Variants in CHST8 observed in about 807,000 individuals in gnomAD.
The protein encoded by CHST8 is carbohydrate sulfotransferase 8, also known as GALNAC-4-ST1.
Under a neutral mutation model 15.0 loss-of-function variants are expected in CHST8, and 10 were observed. The ratio of observed to expected loss-of-function variants is 0.67; its 90% confidence interval spans 0.41 to 1.13. The LOEUF (loss-of-function observed/expected upper bound fraction) is 1.13. CHST8 is among the 50% of genes most tolerant of loss of function. The pLI, the probability that CHST8 is intolerant of heterozygous loss-of-function variation, is 0.00. For synonymous variants in CHST8, 259 were observed against 256.6 expected, an observed-to-expected ratio of 1.01 and a Z score of -0.09; for missense variants, 634 against 608.2, an observed-to-expected ratio of 1.04 and a Z score of -0.45.
chr19:33,748,234 G>A (rs139893787), intron 3 of CHST8, among the ~76,000 whole-genome samples: 206 of 152,336 alleles, frequency 1.4e-3, no homozygotes, highest in African/African-American at 4.8e-3. Flanking sequence ...ACTGGATGGC[G>A]GTGAGCTCAG....
At chr19:33,670,208 A>G (rs1333609611) in intron 2 of CHST8, among the ~76,000 whole-genome samples, 1 of 152,228 alleles carries the variant, frequency 6.6e-6, no homozygotes, top group Non-Finnish European at 1.5e-5. Context: ...AAATGAAAAC[A>G]AAACCCCAAT....
intron 1 of CHST8, among the ~76,000 whole-genome samples, chr19:33,628,676 A>G (rs1408574579): frequency 6.6e-6 from 1 of 152,176 alleles, no homozygotes; most frequent in African/African-American, 2.4e-5. Context: ...TTGAGCCCCT[A>G]GTTCATGATG....
intron 1 of CHST8, among the ~76,000 whole-genome samples, chr19:33,634,881 G>A (rs1972172924): frequency 6.6e-6 from 1 of 152,062 alleles, no homozygotes; most frequent in Admixed American, 6.6e-5. Context: ...GGCTCTGGAA[G>A]TTGGTTTCTC....
intron 3 of CHST8, among the ~76,000 whole-genome samples, chr19:33,759,623 CT>C (rs1408999865): frequency 2.0e-5 from 3 of 152,346 alleles, no homozygotes; most frequent in East Asian, 3.9e-4. Context: ...CCAGCCACCC[CT>C]GATCCCCTAA....
Position 33,773,146 on chromosome 19 carries a change from C to A in CHST8, c.*83C>A. The A allele has an allele frequency of 7.1e-7, 1 of 1,416,720 alleles. No individual in the cohort carries two copies. Among genetic ancestry groups the A allele is most frequent in the Non-Finnish European group, 9.4e-7 (1 of 1,064,652 alleles). The allele number at this position is 1,416,720 out of a possible 1,614,324, so 87.8% of individuals were successfully genotyped here. A position where few individuals can be genotyped will look rare whatever the true frequency, so the allele number is the denominator to read the frequency against. The stretch of plus-strand genomic sequence containing the variant: ...CATCCTCCTGTCCCTGGCTCCTCAT[C>A]CTGGGAGCAACAGGGCTCTGAGGAC... On this transcript the variant is annotated 3_prime_UTR_variant, in exon 5 of 5. Transcript: ENST00000650847.
Position 33,757,462 on chromosome 19 carries a change from G to T in CHST8, c.131-13951G>T, listed in dbSNP as rs11882518. On this transcript the variant is annotated intron_variant, in intron 3 of 4. Transcript: ENST00000650847. Reference sequence around the variant, plus strand: ...AGAAAGAAAGAAAGAAAGAAAGAAAGAAAGAAAGAAAGAAAGAAAGAAAGA... The same window carrying T: ...AGAAAGAAAGAAAGAAAGAAAGAAATAAAGAAAGAAAGAAAGAAAGAAAGA... Among the ~76,000 whole-genome samples the T allele has an allele frequency of 4.0e-3, 152 of 38,140 alleles. 15 individuals are homozygous for T. The highest frequency in any genetic ancestry group is 0.013 in the Admixed American group (47 of 3,642). 25.0% of individuals were successfully genotyped at this position (38,140 alleles called of 152,430 possible). A position where few individuals can be genotyped will look rare whatever the true frequency, so the allele number is the denominator to read the frequency against.
chr19:33,754,740 G>C (rs1974511988), intron 3 of CHST8, among the ~76,000 whole-genome samples: 1 of 152,210 alleles, frequency 6.6e-6, no homozygotes, highest in South Asian at 2.1e-4. Flanking sequence ...CTCTCAAATA[G>C]ACTAGCTAAG....
intron 1 of CHST8, among the ~76,000 whole-genome samples, chr19:33,632,814 G>A (rs2145437977): frequency 6.6e-6 from 1 of 152,016 alleles, no homozygotes; most frequent in South Asian, 2.1e-4. Context: ...TATCGCCCAG[G>A]CTGAAGTGTA....
chr19:33,740,825 C>T (rs1274632268), intron 3 of CHST8, among the ~76,000 whole-genome samples: 1 of 152,160 alleles, frequency 6.6e-6, no homozygotes, highest in Non-Finnish European at 1.5e-5. Context: ...GGGGGCTGTC[C>T]ATGGTGTTGA....
Position 33,718,660 on chromosome 19 carries a change from A to T in CHST8, c.130+29269A>T, listed in dbSNP as rs562686288. Among the ~76,000 whole-genome samples, 3 of 152,284 alleles carry T rather than the reference A, an allele frequency of 2.0e-5. No individual in the cohort carries two copies. In the South Asian group the frequency reaches 6.2e-4, roughly 32 times the overall value. The stretch of plus-strand genomic sequence containing the variant: ...TCTGTTTCATTCCTTCGCTGTCATT[A>T]TGCTGGGATCTCAGGAGGAAGATGA... On this transcript the variant is annotated intron_variant, in intron 3 of 4. Transcript: ENST00000650847.
At chr19:33,691,700 A>AAGCTGTGTCC (rs2145261148) in intron 3 of CHST8, among the ~76,000 whole-genome samples, 1 of 152,346 alleles carries the variant, frequency 6.6e-6, no homozygotes, top group East Asian at 1.9e-4. Flanking sequence ...TACAAAGTGT[A>AAGCTGTGTCC]TGTGTCCAGT....
chr19:33,693,970 G>A (rs1599559047), intron 3 of CHST8, among the ~76,000 whole-genome samples: 1 of 150,620 alleles, frequency 6.6e-6, no homozygotes, highest in East Asian at 1.9e-4. Context: ...TGTTTTAATG[G>A]GGCAAGGTGA....
At chr19:33,771,657 A>C (rs1486163278) in intron 4 of CHST8, among the ~76,000 whole-genome samples, 2 of 152,140 alleles carry the variant, frequency 1.3e-5, no homozygotes, top group Non-Finnish European at 2.9e-5. Context: ...GCACGGTGCT[A>C]ATAGAGGCCG....
chr19:33,668,640 A>G (rs1330751858), intron 2 of CHST8, among the ~76,000 whole-genome samples: 3 of 152,122 alleles, frequency 2.0e-5, no homozygotes, highest in African/African-American at 7.2e-5. Flanking sequence ...GTAAGACTTG[A>G]ATATTGAATA....
At chr19:33,667,986 A>G (rs1972684435) in intron 2 of CHST8, 143 bp downstream of exon 2, 1 of 152,136 alleles carries the variant, frequency 6.6e-6, no homozygotes, top group Non-Finnish European at 1.5e-5. Context: ...GTCGGGGGAA[A>G]AATATCGGCT....
At chr19:33,710,875 T>TTTTTTTG (rs1973535233) in intron 3 of CHST8, among the ~76,000 whole-genome samples, 6 of 116,902 alleles carry the variant, frequency 5.1e-5, no homozygotes, top group African/African-American at 1.9e-4. Flanking sequence ...TTCTGGAGTT[T>TTTTTTTG]TTTTTTTTTT....
At chr19:33,763,470 C>G (rs2145382423) in intron 3 of CHST8, among the ~76,000 whole-genome samples, 1 of 152,336 alleles carries the variant, frequency 6.6e-6, no homozygotes, top group Admixed American at 6.5e-5. Flanking sequence ...GGCCCAGGAA[C>G]AGCCGGCTCC....
chr19:33,650,545 T>TTTTTTTTTTTTTTTTTTTTATTTTTA, intron 1 of CHST8, among the ~76,000 whole-genome samples: 1 of 131,578 alleles, frequency 7.6e-6, no homozygotes, highest in Non-Finnish European at 1.6e-5. Context: ...TTTTTTTTTT[T>TTTTTTTTTTTTTTTTTTTTATTTTTA]TTGAGACATA....
rs190278772 is a variant in CHST8, at chr19:33,688,070, C to T, written c.-86-1106C>T. Reference sequence around the variant, plus strand: ...TCCTCTCGGCCTAGCCAGCAAGGCCCGCTGGAAAGTAAGGGGACAGAGTGA... The same window carrying T: ...TCCTCTCGGCCTAGCCAGCAAGGCCTGCTGGAAAGTAAGGGGACAGAGTGA... On this transcript the variant is annotated intron_variant, in intron 2 of 4. Transcript: ENST00000650847. 3.8e-3 allele frequency among the ~76,000 whole-genome samples: 574 copies of T among 152,294 alleles called. 1 individual carries two copies. The highest frequency in any genetic ancestry group is 0.013 in the African/African-American group (542 of 41,564).
Sources: gnomAD v4.1 joint callset for allele counts (sites outside exome capture counted in the v4.1 genomes callset) on GRCh38, gnomAD v4.1.1 for gene constraint, MANE v1.5 for transcripts, NCBI Gene and HGNC (gene_info 2026-07-23, HGNC 2026-07-21) for gene names.